UBR4: variants seen among roughly 807,000 people sequenced by gnomAD.
UBR4 encodes ubiquitin protein ligase E3 component n-recognin 4.
In UBR4, 124 loss-of-function variants were observed where a neutral mutation model predicts 575.6. The ratio of observed to expected loss-of-function variants is 0.22; its 90% CI spans 0.19 to 0.25. The LOEUF is 0.25. Among genes scored for constraint, UBR4 ranks in the 10% least tolerant of loss-of-function variants. The pLI is 1.00. For synonymous variants in UBR4, 2,455 were observed against 2,473.7 expected, an observed-to-expected ratio of 0.99 and a Z score of 0.22; for missense variants, 4,818 against 6,478.8, an observed-to-expected ratio of 0.74 and a Z score of 8.80.
rs936231757 is a variant in UBR4 at position 19,168,246 on chromosome 1, T to C, written c.3742-62A>G. 26 of 1,451,690 alleles carry C rather than the reference T, an allele frequency of 1.8e-5. 1 individual carries two copies. The highest frequency in any genetic ancestry group is 5.9e-5 in the South Asian group (4 of 67,308). 89.9% of individuals were successfully genotyped at this position (1,451,690 alleles called of 1,614,324 possible). On this transcript the variant is annotated intron_variant, in intron 27 of 105. Coordinates refer to ENST00000375254, the MANE Select transcript of UBR4 (RefSeq NM_020765.3). ...ATCTACCCTGGAAAAAATTCTCACATGGAAAAAAAAACTGACATAAACTAA... is the reference window on the plus strand; with the variant it reads ...ATCTACCCTGGAAAAAATTCTCACACGGAAAAAAAAACTGACATAAACTAA...
At position 19,119,649 on chromosome 1, in the gene UBR4, A is replaced by G; in HGVS notation, c.10363T>C (p.Trp3455Arg). The G allele has an allele frequency of 1.9e-6, 3 of 1,614,040 alleles. No individual in the cohort carries two copies. The highest frequency in any genetic ancestry group is 1.6e-4 in the Middle Eastern group (1 of 6,062). The part of the protein sequence containing the change: ...ELLLDLMWSI[W>R]PELPAYGRKA... ...CGACCATAGGCTGGGAGTTCTGGCC[A>G]GATGGACCACATCAGATCTAGCAGG... The change falls in exon 70 of 106, where the codon TGG becomes CGG. Residue 3455 changes from tryptophan to arginine, a missense_variant. Physicochemically the swap from Trp to Arg is moderately radical, Grantham distance 101 (BLOSUM62 -3). This residue lies in a region of UBR4 where 550 missense variants were observed against 791.5 expected (regional missense o/e 0.69). Transcript: ENST00000375254.
At chr1:19,180,229 C>T (rs899735155) in intron 17 of UBR4, among the ~76,000 whole-genome samples, 2 of 151,970 alleles carry the variant, frequency 1.3e-5, no homozygotes, top group African/African-American at 4.8e-5. Context: ...CACTCCATCA[C>T]CCAGGCAGGA....
rs1478419549 is a variant in UBR4, at chr1:19,203,318, T to C, written c.177-1503A>G. On this transcript the variant is annotated intron_variant, in intron 1 of 105. Coordinates refer to ENST00000375254, the MANE Select transcript of UBR4 (RefSeq NM_020765.3). ...GAGTTCGAGACCAGCCTGGCCAATATGGTGAAACCCCGTCTCTAATAAAAA... is the reference window on the plus strand; with the variant it reads ...GAGTTCGAGACCAGCCTGGCCAATACGGTGAAACCCCGTCTCTAATAAAAA... Among the ~76,000 whole-genome samples, 3 of 151,958 alleles carry C rather than the reference T, an allele frequency of 2.0e-5. No homozygotes were observed. In the East Asian group the frequency reaches 5.9e-4, roughly 30 times the overall value.
chr1:19,164,509 A>G (rs2087950468), intron 32 of UBR4, 68 bp from the exon 33 acceptor site: 15 of 1,501,650 alleles, frequency 1.0e-5, no homozygotes, highest in Non-Finnish European at 1.3e-5. Flanking sequence ...TTATAAAGGA[A>G]GTTTTAAATT....
intron 42 of UBR4, among the ~76,000 whole-genome samples, chr1:19,156,030 A>G (rs2086398613): frequency 6.6e-6 from 1 of 152,194 alleles, no homozygotes; most frequent in Non-Finnish European, 1.5e-5. Context: ...TTTTAGAGAC[A>G]GGGTCTTGCT....
intron 67 of UBR4, among the ~76,000 whole-genome samples, chr1:19,121,722 A>G (rs1372708513): frequency 2.6e-5 from 4 of 152,170 alleles, no homozygotes; most frequent in Non-Finnish European, 5.9e-5. Flanking sequence ...AGAGACTCCT[A>G]CTTTGTGCTT....
At chr1:19,181,874 A>G (rs985392400) in intron 17 of UBR4, among the ~76,000 whole-genome samples, 47 of 152,158 alleles carry the variant, frequency 3.1e-4, no homozygotes, top group Non-Finnish European at 4.7e-4. Flanking sequence ...CATACACATT[A>G]TTCTGCAACC....
At chr1:19,189,409 CTAAA>C (rs1368214182) in intron 11 of UBR4, among the ~76,000 whole-genome samples, 1 of 152,188 alleles carries the variant, frequency 6.6e-6, no homozygotes, top group Non-Finnish European at 1.5e-5. Context: ...TTGGAACAAT[CTAAA>C]TAAGCGCTTA....
At chr1:19,077,208 C>G (rs902448355) in intron 104 of UBR4, among the ~76,000 whole-genome samples, 1 of 152,206 alleles carries the variant, frequency 6.6e-6, no homozygotes, top group Non-Finnish European at 1.5e-5. Context: ...TGTCAATGTG[C>G]TTCCATGAGC....
chr1:19,103,466 G>A (rs1557589249), intron 87 of UBR4, among the ~76,000 whole-genome samples: 3 of 152,166 alleles, frequency 2.0e-5, no homozygotes, highest in Non-Finnish European at 4.4e-5. Flanking sequence ...CAGTAAGGCT[G>A]AGGCAGGCGA....
chr1:19,127,564 G>T, intron 63 of UBR4, 59 bp downstream of exon 63: 2 of 1,351,020 alleles, frequency 1.5e-6, no homozygotes, highest in Non-Finnish European at 2.1e-6. Context: ...GCTGGCCCTA[G>T]CACTACCCAG....
Position 19,173,539 on chromosome 1 carries a change from T to C in UBR4, c.3065A>G (p.Gln1022Arg), listed in dbSNP as rs1481027241. The change falls in exon 23 of 106, where the codon CAG (glutamine) becomes CGG (arginine). Residue 1022 changes from glutamine (Q) to arginine (R), a missense_variant. Transcript: ENST00000375254. ...CATCTCAGGTGAGTTCATGGATAGC[T>C]GGTTAATGTAAGTCTTTGATGGTGG... The part of the protein sequence containing the change: ...ILPPSKTYIN[Q>R]LSMNSPEMSE... 1 of 1,614,172 alleles carries C rather than the reference T, an allele frequency of 6.2e-7. No individual in the cohort carries two copies. The highest frequency in any genetic ancestry group is 2.2e-5 in the East Asian group (1 of 44,868).
At chr1:19,081,825 C>G in intron 102 of UBR4, 1 of 678,938 alleles carries the variant, frequency 1.5e-6, no homozygotes, top group Non-Finnish European at 2.7e-6. Flanking sequence ...CCTACCCCAG[C>G]TCTAATACAA....
intron 49 of UBR4, among the ~76,000 whole-genome samples, chr1:19,148,857 G>A (rs541829198): frequency 1.4e-4 from 21 of 152,296 alleles, no homozygotes; most frequent in East Asian, 3.9e-4. Flanking sequence ...TTCGTAATCC[G>A]TAACTCAAAG....
At position 19,153,999 on chromosome 1, in the gene UBR4, T is replaced by G; in HGVS notation, c.6459-60A>C. 1 of 1,572,070 alleles carries G rather than the reference T, an allele frequency of 6.4e-7. No individual in the cohort carries two copies. Among genetic ancestry groups the G allele is most frequent in the Non-Finnish European group, 8.6e-7 (1 of 1,157,016 alleles). The stretch of plus-strand genomic sequence containing the variant: ...CAGTCACCATTTAATAGTTCTTTTC[T>G]TGACCTAAAAACCATCCTCTAACTG... On this transcript the variant is annotated intron_variant, in intron 44 of 105. Coordinates refer to ENST00000375254, the MANE Select transcript of UBR4 (RefSeq NM_020765.3). This position sits in a 1 kb window ranked among gnomAD's most constrained non-coding sequence, Gnocchi z 4.1.
Position 19,141,719 on chromosome 1 carries a change from G to GA in UBR4, c.8237dup (p.Asn2748GlufsTer14). 6.2e-7 allele frequency: 1 copy of GA among 1,614,184 alleles called. No homozygotes were observed. Among genetic ancestry groups the GA allele is most frequent in the Non-Finnish European group, 8.5e-7 (1 of 1,180,034 alleles). The stretch of plus-strand genomic sequence containing the variant: ...CCTGACGGATGTGACCACCATTCGG[G>GA]ATCCCTGATGACTGCATTTTCTCAT... On this transcript the variant is annotated frameshift_variant, in exon 56 of 106. Transcript: ENST00000375254. LOFTEE classifies it high-confidence loss of function.
In UBR4 at chr1:19,113,785, T is replaced by C. The variant is rs201103244; in HGVS notation, c.11371A>G (p.Ser3791Gly). 6.8e-6 allele frequency: 11 copies of C among 1,614,108 alleles called. No individual in the cohort carries two copies. The highest frequency in any genetic ancestry group is 1.7e-5 in the Admixed American group (1 of 60,002). ...AACTGCAGGATGTAACGATTCACACTGGCAGAAGTGGAGCTGATGCCCCCT... is the reference window on the plus strand; with the variant it reads ...AACTGCAGGATGTAACGATTCACACCGGCAGAAGTGGAGCTGATGCCCCCT... ...TAGGISSTSASVNRYILQLAQ... is the reference protein window; with the variant it reads ...TAGGISSTSAGVNRYILQLAQ... The change falls in exon 77 of 106, where the codon AGT becomes GGT. Residue 3791 changes from serine to glycine, a missense_variant. Physicochemically the swap from Ser to Gly is moderately conservative, Grantham distance 56. Around this residue, in one of 29 missense-constraint regions of UBR4, gnomAD observed 333 missense variants for 459.2 expected, o/e 0.73. Coordinates refer to ENST00000375254, the MANE Select transcript of UBR4 (RefSeq NM_020765.3).
chr1:19,148,696 C>T (rs921796873), intron 49 of UBR4, 70 bp from the exon 50 acceptor site: 13 of 1,569,188 alleles, frequency 8.3e-6, no homozygotes, highest in Non-Finnish European at 1.1e-5. Context: ...CCTAAGCAAA[C>T]TATAGTCATG....
chr1:19,081,066 T>A (rs2076454251), intron 103 of UBR4: 4 of 348,536 alleles, frequency 1.1e-5, no homozygotes, highest in Non-Finnish European at 2.1e-5. Context: ...ATCATCTCAT[T>A]GGTTTTATCA....
Sources: gnomAD v4.1 joint callset for allele counts (sites outside exome capture counted in the v4.1 genomes callset) on GRCh38, gnomAD v4.1.1 for gene constraint, gnomAD v4.1.1 regional missense constraint, Gnocchi (gnomAD v3.1) non-coding constraint, MANE v1.5 for transcripts, NCBI Gene and HGNC (gene_info 2026-07-23, HGNC 2026-07-21) for gene names.